Variants in DNAJB1 observed in about 807,000 individuals in gnomAD.
DNAJB1 encodes DnaJ heat shock protein family (Hsp40) member B1.
Under a neutral mutation model 24.0 loss-of-function variants are expected in DNAJB1, and 14 were observed. The observed-to-expected ratio is 0.58, with a 90% confidence interval of 0.39 to 0.91. The LOEUF is 0.91. DNAJB1 is among the 40% of genes least tolerant of loss of function. DNAJB1 has a pLI of 0.00. For missense variants in DNAJB1, 517 were observed against 458.1 expected, an observed-to-expected ratio of 1.13 and a Z score of -1.17; for synonymous variants, 262 against 174.4, an observed-to-expected ratio of 1.50 and a Z score of -3.96.
chr19:14,518,427 C>T (rs1267349312), upstream of DNAJB1: 3 of 1,231,466 alleles, frequency 2.4e-6, no homozygotes, highest in African/African-American at 1.6e-5. Context: ...CTCTATATAC[C>T]CGTCCGGCGG....
chr19:14,533,116 AAAAT>A (rs771493531), upstream of DNAJB1, among the ~76,000 whole-genome samples: 1 of 149,970 alleles, frequency 6.7e-6, no homozygotes, highest in African/African-American at 2.5e-5. Context: ...TGTTTTAAAA[AAAAT>A]AAATAAAGGA....
At chr19:14,558,222 GGTT>G (rs2073797253) in intron 1 of DNAJB1, among the ~76,000 whole-genome samples, 1 of 152,146 alleles carries the variant, frequency 6.6e-6, no homozygotes, top group Admixed American at 6.5e-5. Context: ...TGCTTCTCTG[GGTT>G]GTTCACCCAC....
chr19:14,547,018 CA>C (rs1198114547), intron 1 of DNAJB1, among the ~76,000 whole-genome samples: 1 of 152,154 alleles, frequency 6.6e-6, no homozygotes, highest in African/African-American at 2.4e-5. Flanking sequence ...TCAATTTGAT[CA>C]ACATGATAGG....
At chr19:14,537,943 A>G (rs2072962377) in intron 1 of DNAJB1, among the ~76,000 whole-genome samples, 1 of 151,948 alleles carries the variant, frequency 6.6e-6, no homozygotes, top group South Asian at 2.1e-4. Context: ...ATGGGGTTTC[A>G]CCATGTTGGC....
At position 14,516,806 on chromosome 19, in the gene DNAJB1, G is replaced by C. The variant is rs574927325; in HGVS notation, c.452C>G (p.Ser151Cys). 3 of 1,613,848 alleles carry C rather than the reference G, an allele frequency of 1.9e-6. No individual in the cohort carries two copies. The highest frequency in any genetic ancestry group is 2.5e-6 in the Non-Finnish European group (3 of 1,179,968). ...CTTCTTTCGGGCGGGCTCTTGGGCAGAGCGGGAGCGGCCAAAGTTCACGTT... is the reference window on the plus strand; with the variant it reads ...CTTCTTTCGGGCGGGCTCTTGGGCACAGCGGGAGCGGCCAAAGTTCACGTT... Reference protein sequence around the residue: ...FTNVNFGRSRSAQEPARKKQD... With the variant: ...FTNVNFGRSRCAQEPARKKQD... The change falls in exon 2 of 3, where the codon TCT becomes TGT. Residue 151 changes from serine (S) to cysteine (C), a missense_variant. Coordinates refer to ENST00000254322, the MANE Select transcript of DNAJB1 (RefSeq NM_006145.3).
chr19:14,530,632 T>TA (rs1166207534), upstream of DNAJB1: 3 of 152,130 alleles, frequency 2.0e-5, no homozygotes, highest in African/African-American at 7.2e-5. Flanking sequence ...CAAAGGCCCC[T>TA]AGTTAGTAAA....
chr19:14,547,714 A>G (rs116153949), intron 1 of DNAJB1, among the ~76,000 whole-genome samples: 4,162 of 150,268 alleles, frequency 0.028, 197 homozygotes, highest in African/African-American at 0.096. Flanking sequence ...GTTGGAGTGC[A>G]ATGGTGCTAT....
At chr19:14,559,362 C>G (rs762784648) in intron 1 of DNAJB1, among the ~76,000 whole-genome samples, 5 of 152,168 alleles carry the variant, frequency 3.3e-5, no homozygotes, top group African/African-American at 4.8e-5. Flanking sequence ...CCCCTGGCCC[C>G]TCCAATTTGC....
At chr19:14,537,796 G>A (rs1364714592) in intron 1 of DNAJB1, among the ~76,000 whole-genome samples, 2 of 147,568 alleles carry the variant, frequency 1.4e-5, no homozygotes, top group Non-Finnish European at 3.0e-5. Flanking sequence ...CCCTAGGCTG[G>A]GGTGCAATGG....
intron 1 of DNAJB1, among the ~76,000 whole-genome samples, chr19:14,541,958 G>A (rs1280067842): frequency 2.0e-5 from 3 of 151,884 alleles, no homozygotes; most frequent in Admixed American, 2.0e-4. Flanking sequence ...CGTATTTTTT[G>A]TATGTGTAGT....
intron 2 of DNAJB1, among the ~76,000 whole-genome samples, chr19:14,525,007 G>A (rs920575271): frequency 1.3e-5 from 2 of 152,002 alleles, no homozygotes; most frequent in Admixed American, 1.3e-4. Context: ...AGGCCGAGGC[G>A]GGAGGATCAC....
intron 1 of DNAJB1, 25 bp downstream of exon 1, chr19:14,518,114 C>T: frequency 6.9e-7 from 1 of 1,458,802 alleles, no homozygotes; most frequent in South Asian, 1.4e-5. Flanking sequence ...AAGGCGGGGC[C>T]GCGCCCCTGG....
chr19:14,517,444 AAAC>A, intron 1 of DNAJB1: 2 of 174,220 alleles, frequency 1.1e-5, no homozygotes, highest in Non-Finnish European at 2.4e-5. Context: ...AGAAAAAAAA[AAAC>A]AAAAATAAAT....
intron 1 of DNAJB1, among the ~76,000 whole-genome samples, chr19:14,540,063 A>ATTT (rs577605678): frequency 1.7e-5 from 2 of 116,466 alleles, no homozygotes; most frequent in South Asian, 2.8e-4. Context: ...AATTTATTTA[A>ATTT]TTTTTTTTTT....
At chr19:14,517,919 A>G in intron 1 of DNAJB1, 1 of 439,304 alleles carries the variant, frequency 2.3e-6, no homozygotes, top group East Asian at 3.7e-5. Flanking sequence ...GGGCAGCCCC[A>G]GACATGCTAG....
intron 1 of DNAJB1, among the ~76,000 whole-genome samples, chr19:14,528,955 C>T (rs1361172836): frequency 6.6e-6 from 1 of 152,108 alleles, no homozygotes; most frequent in Non-Finnish European, 1.5e-5. Flanking sequence ...CAAAACAAAA[C>T]AGAAAAACAA....
At chr19:14,544,380 C>T (rs1350683302) in intron 1 of DNAJB1, among the ~76,000 whole-genome samples, 1 of 152,020 alleles carries the variant, frequency 6.6e-6, no homozygotes, top group African/African-American at 2.4e-5. Flanking sequence ...TGATAGAGGC[C>T]ACTGTCTTAC....
chr19:14,544,720 A>T (rs575267303), intron 1 of DNAJB1, among the ~76,000 whole-genome samples: 2 of 150,394 alleles, frequency 1.3e-5, no homozygotes, highest in African/African-American at 4.9e-5. Flanking sequence ...TGCAACTCCA[A>T]CTCCTGGGTT....
chr19:14,547,963 CT>C (rs1043298294), intron 1 of DNAJB1, among the ~76,000 whole-genome samples: 8,007 of 125,560 alleles, frequency 0.064, 602 homozygotes, highest in African/African-American at 0.22. Context: ...ATGGGCATTT[CT>C]TTTTTTTTTT....
Sources: allele counts gnomAD v4.1 joint callset (sites outside exome capture counted in the v4.1 genomes callset), GRCh38; gene constraint gnomAD v4.1.1; transcripts MANE v1.5; gene names NCBI Gene and HGNC (gene_info 2026-07-23, HGNC 2026-07-21).